Variants in ETV6 observed in about 807,000 individuals in gnomAD.
The protein encoded by ETV6 is transcription factor ETV6.
Under a neutral mutation model 51.1 loss-of-function variants are expected in ETV6, and 16 were observed. That is an observed-to-expected ratio of 0.31 (90% confidence interval 0.21 to 0.48). The LOEUF (loss-of-function observed/expected upper bound fraction) is 0.48, where lower values mean the gene tolerates loss of function less well. Among genes scored for constraint, ETV6 ranks in the 20% least tolerant of loss-of-function variants. ETV6 has a pLI of 0.99. For synonymous variants in ETV6, 240 were observed against 224.1 expected (o/e 1.07, Z -0.64); for missense variants, 458 against 594.8 (o/e 0.77, Z 2.39).
chr12:11,855,713 T>C (rs918124648), intron 4 of ETV6, among the ~76,000 whole-genome samples: 11 of 152,344 alleles, frequency 7.2e-5, no homozygotes, highest in African/African-American at 2.6e-4. Flanking sequence ...GCTTCCGTGA[T>C]GGAGAACGAA....
chr12:11,879,434 A>G (rs1591744981), intron 5 of ETV6, among the ~76,000 whole-genome samples: 3 of 152,202 alleles, frequency 2.0e-5, no homozygotes. Context: ...TTATGTGTGA[A>G]TTGCCCATCT....
chr12:11,851,152 TG>T (rs1215274978), intron 3 of ETV6, among the ~76,000 whole-genome samples: 1 of 151,694 alleles, frequency 6.6e-6, no homozygotes, highest in African/African-American at 2.4e-5. Flanking sequence ...CCTGGTTAAG[TG>T]AACCAAGCTG....
At chr12:11,738,307 CTTTTTT>C (rs59241338) in intron 1 of ETV6, among the ~76,000 whole-genome samples, 37,960 of 113,934 alleles carry the variant, frequency 0.33, 5,299 homozygotes, top group East Asian at 0.45. Context: ...TTTGTTTTTG[CTTTTTT>C]TTTTTTTTTT....
In ETV6 at chr12:11,824,361, G is replaced by A. The variant is rs115865703; in HGVS notation, c.164-14779G>A. 6.2e-3 allele frequency among the ~76,000 whole-genome samples: 939 copies of A among 152,314 alleles called. 8 individuals carry two copies. Among genetic ancestry groups the A allele is most frequent in the African/African-American group, 0.021 (882 of 41,566 alleles). The stretch of plus-strand genomic sequence containing the variant: ...TCCTATAGTAGTGAGGGCAAGTGGC[G>A]TCGAGGAGGTCTGAAAGGTGTAGAG... On this transcript the variant is annotated intron_variant, in intron 2 of 7. Coordinates refer to ENST00000396373, the MANE Select transcript of ETV6 (RefSeq NM_001987.5).
At chr12:11,819,540 C>T (rs1460733046) in intron 2 of ETV6, among the ~76,000 whole-genome samples, 1 of 152,194 alleles carries the variant, frequency 6.6e-6, no homozygotes, top group Admixed American at 6.5e-5. Context: ...GGCCTCTTTA[C>T]CTAGATGTTG....
At chr12:11,804,010 A>G (rs77066080) in intron 2 of ETV6, among the ~76,000 whole-genome samples, 1 of 152,182 alleles carries the variant, frequency 6.6e-6, no homozygotes, top group Non-Finnish European at 1.5e-5. Flanking sequence ...TTGAAAGCCT[A>G]CTTAGGGTAA....
chr12:11,677,579 A>G (rs1455890511), intron 1 of ETV6, among the ~76,000 whole-genome samples: 1 of 152,222 alleles, frequency 6.6e-6, no homozygotes, highest in Non-Finnish European at 1.5e-5. Context: ...TGTGAAGTCC[A>G]GTGAGTTGGA....
At chr12:11,864,140 G>A (rs1946758573) in intron 4 of ETV6, among the ~76,000 whole-genome samples, 1 of 152,206 alleles carries the variant, frequency 6.6e-6, no homozygotes, top group Admixed American at 6.5e-5. Flanking sequence ...GTCTGGGCAG[G>A]AACGGAGAGT....
rs564262303 is a variant in ETV6 at position 11,891,451 on chromosome 12, T to C, written c.*405T>C. On this transcript the variant is annotated 3_prime_UTR_variant, in exon 8 of 8. Transcript: ENST00000396373. ...CTGATGTTGTTTTCCTATGGAAATA[T>C]ATATCTATTATATATATATTTTTTG... 7 of 386,842 alleles carry C rather than the reference T, an allele frequency of 1.8e-5. No individual in the cohort carries two copies. Among genetic ancestry groups the C allele is most frequent in the South Asian group, 1.1e-4 (4 of 37,992 alleles). The allele number at this position is 386,842 out of a possible 1,614,324, so 24.0% of individuals were successfully genotyped here.
intron 1 of ETV6, among the ~76,000 whole-genome samples, chr12:11,658,129 C>G (rs945911148): frequency 2.6e-5 from 4 of 152,220 alleles, no homozygotes; most frequent in Non-Finnish European, 5.9e-5. Context: ...TAGTTCTCCT[C>G]CTCCTTTATA....
chr12:11,667,175 G>C (rs574501168), intron 1 of ETV6, among the ~76,000 whole-genome samples: 1 of 152,176 alleles, frequency 6.6e-6, no homozygotes, highest in South Asian at 2.1e-4. Flanking sequence ...TGTCCAGCAC[G>C]GTGCCTGGCA....
intron 2 of ETV6, among the ~76,000 whole-genome samples, chr12:11,804,448 G>A (rs529531601): frequency 3.5e-4 from 53 of 152,292 alleles, no homozygotes; most frequent in African/African-American, 1.2e-3. Flanking sequence ...TGTTCTGCTA[G>A]TTCCTCTTCA....
intron 3 of ETV6, among the ~76,000 whole-genome samples, chr12:11,844,648 A>G (rs1485041568): frequency 1.3e-5 from 2 of 152,096 alleles, no homozygotes; most frequent in Non-Finnish European, 2.9e-5. Context: ...ATCCAAGGAT[A>G]TAGGTCACAG....
intron 4 of ETV6, among the ~76,000 whole-genome samples, chr12:11,861,636 C>T (rs1021771063): frequency 1.3e-5 from 2 of 152,150 alleles, no homozygotes; most frequent in Non-Finnish European, 1.5e-5. Context: ...ATGACTCTCA[C>T]AAGACAGGCA....
chr12:11,860,597 T>G (rs1450698750), intron 4 of ETV6, among the ~76,000 whole-genome samples: 3 of 151,126 alleles, frequency 2.0e-5, no homozygotes, highest in Non-Finnish European at 4.4e-5. Flanking sequence ...AAGAAAGAAA[T>G]GAGTTAATAC....
chr12:11,732,227 T>C (rs1242053336), intron 1 of ETV6, among the ~76,000 whole-genome samples: 3 of 152,188 alleles, frequency 2.0e-5, no homozygotes, highest in African/African-American at 7.2e-5. Context: ...TGCAAAGTAA[T>C]ATTTCTGGTT....
intron 1 of ETV6, among the ~76,000 whole-genome samples, chr12:11,680,141 C>G (rs1053119611): frequency 6.6e-6 from 1 of 152,180 alleles, no homozygotes; most frequent in South Asian, 2.1e-4. Context: ...CTTTCATGCT[C>G]TGTACTTTGC....
chr12:11,811,935 C>T (rs1165169192), intron 2 of ETV6, among the ~76,000 whole-genome samples: 9 of 152,176 alleles, frequency 5.9e-5, no homozygotes, highest in Admixed American at 5.9e-4. Flanking sequence ...AACTGGAAAG[C>T]TGAGATGGAA....
chr12:11,752,800 T>C, intron 2 of ETV6: 1 of 433,074 alleles, frequency 2.3e-6, no homozygotes. Flanking sequence ...TCCCTGACTA[T>C]GACATGTTAA....
Sources: allele counts gnomAD v4.1 joint callset (sites outside exome capture counted in the v4.1 genomes callset), GRCh38; gene constraint gnomAD v4.1.1; transcripts MANE v1.5; gene names NCBI Gene and HGNC (gene_info 2026-07-23, HGNC 2026-07-21).